PTPRM: variants seen among roughly 807,000 people sequenced by gnomAD.
The protein encoded by PTPRM is protein tyrosine phosphatase receptor type M.
PTPRM carries 47 observed loss-of-function variants against 186.7 expected under a neutral mutation model. The ratio of observed to expected loss-of-function variants is 0.25; its 90% CI spans 0.20 to 0.32. The LOEUF is 0.32. Ranked by LOEUF, PTPRM falls within the 10% of genes least tolerant of loss-of-function variation. The pLI is 1.00. For missense variants in PTPRM, 1,494 were observed against 1,865.0 expected (o/e 0.80, Z 3.66); for synonymous variants, 668 against 674.9 (o/e 0.99, Z 0.16).
At chr18:8,209,341 C>G (rs114561160) in intron 14 of PTPRM, among the ~76,000 whole-genome samples, 4 of 151,994 alleles carry the variant, frequency 2.6e-5, no homozygotes, top group African/African-American at 9.7e-5. Context: ...GGGTTTCAGA[C>G]GTATTTTCAA....
intron 4 of PTPRM, 71 bp from the exon 5 acceptor site, chr18:7,926,497 T>C (rs2051179912): frequency 1.7e-6 from 2 of 1,190,958 alleles, no homozygotes; most frequent in East Asian, 2.7e-5. Context: ...AAATTTCAGA[T>C]AGATTGAAGA....
intron 1 of PTPRM, among the ~76,000 whole-genome samples, chr18:7,630,533 A>G (rs970750394): frequency 6.6e-6 from 1 of 152,144 alleles, no homozygotes; most frequent in Non-Finnish European, 1.5e-5. Flanking sequence ...TAGGACAGTC[A>G]CTTACGCGCA....
chr18:8,359,095 T>TAA (rs138565906), intron 23 of PTPRM, among the ~76,000 whole-genome samples: 10 of 151,868 alleles, frequency 6.6e-5, no homozygotes, highest in African/African-American at 1.7e-4. Context: ...TATGTCCCTT[T>TAA]AAAAAGACAA....
chr18:7,921,384 T>G (rs1411704766), intron 4 of PTPRM, among the ~76,000 whole-genome samples: 1 of 149,216 alleles, frequency 6.7e-6, no homozygotes, highest in African/African-American at 2.5e-5. Context: ...CTAATGAATT[T>G]TTTTTTTTTT....
intron 17 of PTPRM, chr18:8,248,390 G>A (rs1270630467): frequency 4.7e-6 from 3 of 636,354 alleles, no homozygotes; most frequent in Non-Finnish European, 5.7e-6. Flanking sequence ...CATGTATCTT[G>A]GGGATGATAC....
chr18:7,690,590 A>C (rs1461090786), intron 1 of PTPRM, among the ~76,000 whole-genome samples: 1 of 152,182 alleles, frequency 6.6e-6, no homozygotes, highest in Non-Finnish European at 1.5e-5. Flanking sequence ...GTTGACATTT[A>C]ATAGGTTCTA....
chr18:8,111,926 T>C (rs1209099463), intron 11 of PTPRM, among the ~76,000 whole-genome samples: 1 of 152,206 alleles, frequency 6.6e-6, no homozygotes, highest in African/African-American at 2.4e-5. Flanking sequence ...TGTTTGTTTT[T>C]AATGGTATTC....
At chr18:8,383,377 G>A (rs913898522) in intron 29 of PTPRM, among the ~76,000 whole-genome samples, 4 of 143,652 alleles carry the variant, frequency 2.8e-5, no homozygotes, top group Non-Finnish European at 6.0e-5. Flanking sequence ...AAGTCCCAAA[G>A]GAAGAGTAAT....
intron 7 of PTPRM, among the ~76,000 whole-genome samples, chr18:7,988,147 T>C (rs911343561): frequency 1.3e-5 from 2 of 152,098 alleles, no homozygotes; most frequent in Non-Finnish European, 2.9e-5. Flanking sequence ...ATCATGCTAC[T>C]GCACTCCAGC....
At chr18:7,731,412 A>G (rs2040656463) in intron 1 of PTPRM, among the ~76,000 whole-genome samples, 1 of 152,210 alleles carries the variant, frequency 6.6e-6, no homozygotes, top group South Asian at 2.1e-4. Context: ...TATTGCAAGT[A>G]TTAATTTGGA....
At chr18:7,808,098 C>T (rs2044325614) in intron 2 of PTPRM, among the ~76,000 whole-genome samples, 1 of 152,172 alleles carries the variant, frequency 6.6e-6, no homozygotes, top group Admixed American at 6.5e-5. Flanking sequence ...GATGGAGCTT[C>T]AGGGATTGTA....
chr18:7,659,050 T>A (rs973766406), intron 1 of PTPRM, among the ~76,000 whole-genome samples: 1 of 151,964 alleles, frequency 6.6e-6, no homozygotes, highest in Admixed American at 6.6e-5. Flanking sequence ...AAATTGTCCC[T>A]GGTTGCTAAT....
At chr18:8,367,521 G>C (rs944827474) in intron 23 of PTPRM, among the ~76,000 whole-genome samples, 1 of 152,252 alleles carries the variant, frequency 6.6e-6, no homozygotes, top group Non-Finnish European at 1.5e-5. Context: ...CCTGTTCCGC[G>C]GAAGCGCGGC....
chr18:7,677,720 C>T (rs1683361035), intron 1 of PTPRM, among the ~76,000 whole-genome samples: 1 of 152,118 alleles, frequency 6.6e-6, no homozygotes, highest in Admixed American at 6.5e-5. Context: ...GAGCCCGTTC[C>T]TGCTATTTCT....
chr18:8,125,389 A>G (rs566092012), intron 13 of PTPRM, among the ~76,000 whole-genome samples: 1 of 152,276 alleles, frequency 6.6e-6, no homozygotes, highest in African/African-American at 2.4e-5. Flanking sequence ...TAAGAAATAC[A>G]TAACTACCCA....
chr18:8,001,641 G>T (rs1251767139), intron 7 of PTPRM, among the ~76,000 whole-genome samples: 1 of 152,098 alleles, frequency 6.6e-6, no homozygotes, highest in Non-Finnish European at 1.5e-5. Flanking sequence ...ATTGTGAAGT[G>T]ATTCCAAGAA....
chr18:7,872,505 G>T (rs1237940196), intron 2 of PTPRM, among the ~76,000 whole-genome samples: 1 of 152,108 alleles, frequency 6.6e-6, no homozygotes, highest in Non-Finnish European at 1.5e-5. Flanking sequence ...TTACTTGAAA[G>T]AGTTATTTAC....
intron 11 of PTPRM, among the ~76,000 whole-genome samples, chr18:8,109,731 A>G (rs960918900): frequency 1.3e-5 from 2 of 152,202 alleles, no homozygotes; most frequent in African/African-American, 4.8e-5. Context: ...CCTGACACCT[A>G]TTAGGCACTC....
chr18:7,662,211 C>T (rs1171829965), intron 1 of PTPRM, among the ~76,000 whole-genome samples: 2 of 152,196 alleles, frequency 1.3e-5, no homozygotes, highest in Non-Finnish European at 2.9e-5. Flanking sequence ...GCTAGGGTTA[C>T]AGGCATGAGC....
Sources: allele counts gnomAD v4.1 joint callset (sites outside exome capture counted in the v4.1 genomes callset), GRCh38; gene constraint gnomAD v4.1.1; transcripts MANE v1.5; gene names NCBI Gene and HGNC (gene_info 2026-07-23, HGNC 2026-07-21).